POC1B: variants seen among roughly 807,000 people sequenced by gnomAD.
POC1B encodes the protein POC1 centriolar protein B.
Under a neutral mutation model 60.6 loss-of-function variants are expected in POC1B, and 44 were observed. That is an observed-to-expected ratio of 0.73 (90% CI 0.57 to 0.93). POC1B has a LOEUF of 0.93. Ranked by LOEUF, POC1B falls within the 40% of genes least tolerant of loss-of-function variation. The pLI, the probability that POC1B is intolerant of heterozygous loss-of-function variation, is 0.00. For missense variants in POC1B, 555 were observed against 572.3 expected (o/e 0.97, Z 0.31); for synonymous variants, 180 against 198.9 (o/e 0.90, Z 0.80).
intron 2 of POC1B, among the ~76,000 whole-genome samples, chr12:89,518,565 G>C (rs1870589860): frequency 9.1e-6 from 1 of 110,408 alleles, no homozygotes; most frequent in African/African-American, 3.8e-5. Flanking sequence ...AAGTACACCA[G>C]TGTTTTGCCC....
chr12:89,510,225 T>C (rs563795198), intron 2 of POC1B, among the ~76,000 whole-genome samples: 84 of 152,278 alleles, frequency 5.5e-4, no homozygotes, highest in Non-Finnish European at 1.1e-3. Context: ...CTTTTGTTCT[T>C]TGGTAGCATG....
downstream of POC1B, among the ~76,000 whole-genome samples, chr12:89,417,640 G>C (rs534658175): frequency 5.5e-4 from 84 of 152,326 alleles, no homozygotes; most frequent in African/African-American, 1.9e-3. Flanking sequence ...ATATTTATGT[G>C]CAAGAAAATA....
At chr12:89,421,959 T>A (rs1023175082) in intron 11 of POC1B, among the ~76,000 whole-genome samples, 1 of 152,206 alleles carries the variant, frequency 6.6e-6, no homozygotes, top group African/African-American at 2.4e-5. Flanking sequence ...TATTAAATGT[T>A]AACATATGTT....
chr12:89,509,475 G>T (rs1870067563), intron 2 of POC1B, among the ~76,000 whole-genome samples: 1 of 152,064 alleles, frequency 6.6e-6, no homozygotes, highest in African/African-American at 2.4e-5. Context: ...AATGGATAAT[G>T]GTATTTAGAA....
intron 9 of POC1B, chr12:89,460,185 T>C (rs1436105958): frequency 2.1e-5 from 4 of 189,652 alleles, no homozygotes; most frequent in South Asian, 8.6e-5. Flanking sequence ...AAAATCAATA[T>C]ATGAAATCAA....
At position 89,424,414 on chromosome 12, in the gene POC1B, G is replaced by C. The variant is rs74768595; in HGVS notation, c.1332+747C>G. Among the ~76,000 whole-genome samples, 122 of 152,230 alleles carry C rather than the reference G, an allele frequency of 8.0e-4. 1 individual carries two copies. Among genetic ancestry groups the C allele is most frequent in the African/African-American group, 2.8e-3 (118 of 41,542 alleles). ...TTCTATGCAAAAGCTATTTCTATTTGAAATATTTTTCTGGACAAGCAATTG... is the reference window on the plus strand; with the variant it reads ...TTCTATGCAAAAGCTATTTCTATTTCAAATATTTTTCTGGACAAGCAATTG... On this transcript the variant is annotated intron_variant, in intron 11 of 11. Transcript: ENST00000313546.
At chr12:89,424,896 C>A (rs1281756229) in intron 11 of POC1B, among the ~76,000 whole-genome samples, 2 of 152,078 alleles carry the variant, frequency 1.3e-5, no homozygotes, top group African/African-American at 4.8e-5. Flanking sequence ...TGGTTACTCC[C>A]AATACATTTT....
chr12:89,442,295 C>T (rs935560920), intron 10 of POC1B, among the ~76,000 whole-genome samples: 9 of 152,090 alleles, frequency 5.9e-5, no homozygotes, highest in Non-Finnish European at 8.8e-5. Context: ...CTCCAAGATA[C>T]ATAATTGTCA....
At chr12:89,462,372 T>C (rs1380893547) in intron 9 of POC1B, among the ~76,000 whole-genome samples, 1 of 152,154 alleles carries the variant, frequency 6.6e-6, no homozygotes, top group South Asian at 2.1e-4. Context: ...AAGTTCTCCA[T>C]GGCTGAACAA....
At chr12:89,444,033 A>T (rs1213147627) in intron 10 of POC1B, among the ~76,000 whole-genome samples, 1 of 152,218 alleles carries the variant, frequency 6.6e-6, no homozygotes, top group Non-Finnish European at 1.5e-5. Flanking sequence ...GGACACATAC[A>T]TCCTCCCAAG....
At chr12:89,519,839 T>A (rs528384284) in intron 2 of POC1B, 91 of 152,600 alleles carry the variant, frequency 6.0e-4, no homozygotes, top group African/African-American at 2.1e-3. Flanking sequence ...ATTTAGATAG[T>A]CAACCTATCC....
chr12:89,472,342 A>G, intron 4 of POC1B, 67 bp from the exon 5 acceptor site: 1 of 1,025,112 alleles, frequency 9.8e-7, no homozygotes, highest in Non-Finnish European at 1.5e-6. Context: ...TCACCTCTAC[A>G]CCACAAATAA....
At chr12:89,489,184 AC>A (rs1868810606) in intron 4 of POC1B, among the ~76,000 whole-genome samples, 1 of 152,228 alleles carries the variant, frequency 6.6e-6, no homozygotes, top group African/African-American at 2.4e-5. Context: ...TTATATACTG[AC>A]TACTATGTGA....
chr12:89,429,079 G>A (rs1880907683), intron 10 of POC1B: 1 of 152,068 alleles, frequency 6.6e-6, no homozygotes, highest in Non-Finnish European at 1.5e-5. Context: ...GTATAGAAAG[G>A]ACAATAGGAA....
chr12:89,471,768 C>CTTTTT (rs776025659), intron 5 of POC1B, 39 bp from the exon 6 acceptor site: 1,212 of 819,552 alleles, frequency 1.5e-3, no homozygotes, highest in South Asian at 4.2e-3. Flanking sequence ...ATTTCAATTT[C>CTTTTT]TTTTTTTTTT....
chr12:89,460,065 TA>T, intron 9 of POC1B: 2 of 370,894 alleles, frequency 5.4e-6, no homozygotes, highest in Admixed American at 3.3e-5. Context: ...GAAAAGGAAA[TA>T]AAAGGTATTA....
At chr12:89,406,970 AC>A in the POC1B span, among the ~76,000 whole-genome samples, 150,431 of 150,438 alleles carry the variant, frequency 1, 75,212 homozygotes, top group Middle Eastern at 1. Context: ...ACATGCCGAA[AC>A]CCCCGTCTCT....
At chr12:89,424,408 C>T (rs1880664645) in intron 11 of POC1B, among the ~76,000 whole-genome samples, 1 of 152,130 alleles carries the variant, frequency 6.6e-6, no homozygotes, top group African/African-American at 2.4e-5. Flanking sequence ...AAAGCTATTT[C>T]TATTTGAAAT....
chr12:89,459,882 C>T (rs1204610218), intron 9 of POC1B, 164 bp from the exon 10 acceptor site: 3 of 475,330 alleles, frequency 6.3e-6, no homozygotes, highest in Non-Finnish European at 1.1e-5. Context: ...TGTTAGCCTA[C>T]CAATTCTATC....
Sources: gnomAD v4.1 joint callset for allele counts (sites outside exome capture counted in the v4.1 genomes callset) on GRCh38, gnomAD v4.1.1 for gene constraint, MANE v1.5 for transcripts, NCBI Gene and HGNC (gene_info 2026-07-23, HGNC 2026-07-21) for gene names.